Variants in GDAP1 observed in about 807,000 individuals in gnomAD.
GDAP1 encodes the protein ganglioside induced differentiation associated protein 1.
A neutral mutation model predicts 40.1 loss-of-function variants in GDAP1; 34 were observed. The ratio of observed to expected loss-of-function variants is 0.85; its 90% confidence interval spans 0.64 to 1.13. The LOEUF is 1.13. Ranked by LOEUF, GDAP1 falls within the 50% of genes most tolerant of loss-of-function variation. The pLI is 0.00. For missense variants in GDAP1, 374 were observed against 433.7 expected (o/e 0.86, Z 1.22); for synonymous variants, 170 against 157.4 (o/e 1.08, Z -0.60).
rs1445702310 is a variant in GDAP1, at chr8:74,405,511, T to C, written c.165+54190T>C. ...ACCCACAGATTGGGAAGGCCAACTG[T>C]GTTTGTTAAACTGAAGCAAACTAAA... On this transcript the variant is annotated intron_variant, in intron 2 of 2. Transcript: ENST00000523640. 2.0e-5 allele frequency among the ~76,000 whole-genome samples: 3 copies of C among 150,168 alleles called. No homozygotes were observed. The East Asian group carries it at 5.8e-4, about 29-fold the overall frequency.
chr8:74,438,287 A>G (rs1243229654), intron 2 of GDAP1, among the ~76,000 whole-genome samples: 1 of 151,766 alleles, frequency 6.6e-6, no homozygotes, highest in East Asian at 1.9e-4. Flanking sequence ...AAAAACAACA[A>G]CAAAAAAAGA....
rs1189741283 is a variant in GDAP1 at position 74,364,457 on chromosome 8, AG to A, written c.*91del. The A allele has an allele frequency of 2.4e-6, 3 of 1,271,772 alleles. No individual in the cohort carries two copies. Among genetic ancestry groups the A allele is most frequent in the African/African-American group, 1.5e-5 (1 of 68,676 alleles). The allele number at this position is 1,271,772 out of a possible 1,614,324, so 78.8% of individuals were successfully genotyped here. A position where few individuals can be genotyped will look rare whatever the true frequency, so the allele number is the denominator to read the frequency against. ...GCTCTCTGAGTCTGTCTTATTGAGT[AG>A]TTAGCAGTATTTTTTCCTAAAATTC... is the stretch of plus-strand genomic sequence containing the variant. On this transcript the variant is annotated 3_prime_UTR_variant, in exon 6 of 6. Coordinates refer to ENST00000220822, the MANE Select transcript of GDAP1 (RefSeq NM_018972.4).
intron 2 of GDAP1, among the ~76,000 whole-genome samples, chr8:74,471,807 T>C (rs1007024985): frequency 3.9e-5 from 6 of 152,218 alleles, no homozygotes; most frequent in African/African-American, 1.2e-4. Flanking sequence ...TTACTTGGCA[T>C]ATTGATTTTG....
chr8:74,480,641 CTCTA>C (rs1461199084), intron 2 of GDAP1, among the ~76,000 whole-genome samples: 3 of 152,208 alleles, frequency 2.0e-5, no homozygotes, highest in African/African-American at 4.8e-5. Flanking sequence ...TACTGTCTTC[CTCTA>C]TCTATGTGTT....
intron 2 of GDAP1, among the ~76,000 whole-genome samples, chr8:74,448,692 G>C (rs1806261791): frequency 6.6e-6 from 1 of 151,912 alleles, no homozygotes; most frequent in African/African-American, 2.4e-5. Flanking sequence ...CCTTGATTTT[G>C]AGAACCTTTT....
At chr8:74,441,146 C>T (rs1236920331) in intron 2 of GDAP1, among the ~76,000 whole-genome samples, 3 of 152,044 alleles carry the variant, frequency 2.0e-5, no homozygotes, top group Admixed American at 1.3e-4. Flanking sequence ...TCTGAAAAGT[C>T]CAAGATTTGT....
At chr8:74,363,205 C>A in intron 5 of GDAP1, 152 bp downstream of exon 5, 1 of 585,490 alleles carries the variant, frequency 1.7e-6, no homozygotes, top group East Asian at 2.8e-5. Context: ...GATATTGCAC[C>A]CAGAAAAACC....
chr8:74,385,339 C>G (rs1274288336), intron 2 of GDAP1, among the ~76,000 whole-genome samples: 1 of 152,094 alleles, frequency 6.6e-6, no homozygotes, highest in African/African-American at 2.4e-5. Context: ...CCGCCCCCAC[C>G]ACCAACAGGC....
At chr8:74,437,682 A>G (rs780067914) in intron 2 of GDAP1, among the ~76,000 whole-genome samples, 17 of 152,030 alleles carry the variant, frequency 1.1e-4, no homozygotes, top group Non-Finnish European at 1.5e-5. Context: ...AAATCATAGT[A>G]TAAGTCAACA....
chr8:74,363,187 G>A (rs1181579700), intron 5 of GDAP1, 134 bp downstream of exon 5: 5 of 621,850 alleles, frequency 8.0e-6, no homozygotes, highest in South Asian at 1.9e-5. Context: ...AATTATGATA[G>A]CAATAATGAT....
chr8:74,363,116 T>A (rs1411645397), intron 5 of GDAP1, 63 bp downstream of exon 5: 1 of 825,294 alleles, frequency 1.2e-6, no homozygotes, highest in Non-Finnish European at 2.1e-6. Flanking sequence ...GGAACATTCT[T>A]AGGTCTCACC....
At chr8:74,478,989 C>T (rs1359763211) in intron 2 of GDAP1, among the ~76,000 whole-genome samples, 2 of 152,192 alleles carry the variant, frequency 1.3e-5, no homozygotes. Flanking sequence ...TCCATTCACC[C>T]TCAATGCTTT....
In GDAP1 at chr8:74,396,687, A is replaced by G. The variant is rs576024659; in HGVS notation, c.165+45366A>G. Among the ~76,000 whole-genome samples the G allele has an allele frequency of 4.5e-3, 692 of 152,232 alleles. 4 individuals carry two copies. The highest frequency in any genetic ancestry group is 8.1e-3 in the Non-Finnish European group (549 of 68,018). ...ATGTCCCTACAAAGGACATGAACTCATCGTTTTTTCTGGCTGCATAGTATT... is the reference window on the plus strand; with the variant it reads ...ATGTCCCTACAAAGGACATGAACTCGTCGTTTTTTCTGGCTGCATAGTATT... On this transcript the variant is annotated intron_variant, in intron 2 of 2. Transcript: ENST00000523640.
chr8:74,372,704 C>T (rs868588697), intron 2 of GDAP1, among the ~76,000 whole-genome samples: 2,306 of 152,240 alleles, frequency 0.015, 30 homozygotes, highest in Non-Finnish European at 0.022. Context: ...AATTTTCTCC[C>T]TTTCTATAGG....
intron 2 of GDAP1, among the ~76,000 whole-genome samples, chr8:74,391,985 A>C (rs1032304515): frequency 1.3e-5 from 2 of 151,840 alleles, no homozygotes; most frequent in Non-Finnish European, 2.9e-5. Context: ...TGCCCAGCAA[A>C]TTTTTGTATT....
chr8:74,380,178 T>C (rs1235326685), intron 2 of GDAP1, among the ~76,000 whole-genome samples: 1 of 145,210 alleles, frequency 6.9e-6, no homozygotes, highest in African/African-American at 2.5e-5. Context: ...TTTTTCTTCT[T>C]TTACAAAGAA....
chr8:74,441,010 G>A (rs1358132620), intron 2 of GDAP1, among the ~76,000 whole-genome samples: 2 of 152,074 alleles, frequency 1.3e-5, no homozygotes, highest in Non-Finnish European at 2.9e-5. Flanking sequence ...GCATATTAAC[G>A]TCTGCCCTTT....
chr8:74,473,621 G>A (rs1227331040), intron 2 of GDAP1, among the ~76,000 whole-genome samples: 1 of 152,052 alleles, frequency 6.6e-6, no homozygotes, highest in Non-Finnish European at 1.5e-5. Flanking sequence ...GTATAAGGCT[G>A]TAGCCTTATT....
intron 2 of GDAP1, among the ~76,000 whole-genome samples, chr8:74,455,976 C>T (rs1806331583): frequency 6.6e-6 from 1 of 151,880 alleles, no homozygotes; most frequent in Non-Finnish European, 1.5e-5. Context: ...AGTTTTTGCT[C>T]ATCCTAAATA....
Sources: allele counts gnomAD v4.1 joint callset (sites outside exome capture counted in the v4.1 genomes callset), GRCh38; gene constraint gnomAD v4.1.1; transcripts MANE v1.5; gene names NCBI Gene and HGNC (gene_info 2026-07-23, HGNC 2026-07-21).